Variants in ETV6 observed in about 807,000 individuals in gnomAD.
ETV6 encodes the protein ETS variant transcription factor 6.
In ETV6, 16 loss-of-function variants were observed where a neutral mutation model predicts 51.1. The observed-to-expected ratio is 0.31, with a 90% CI of 0.21 to 0.48. The LOEUF (loss-of-function observed/expected upper bound fraction) is 0.48. Ranked by LOEUF, ETV6 falls within the 20% of genes least tolerant of loss-of-function variation. The probability of loss-of-function intolerance (pLI) is 0.99; values close to 1 mark genes in which losing one functional copy is unlikely to be tolerated. For synonymous variants in ETV6, 240 were observed against 224.1 expected (o/e 1.07, Z -0.64); for missense variants, 458 against 594.8 (o/e 0.77, Z 2.39).
chr12:11,674,171 C>T (rs555273822), intron 1 of ETV6, among the ~76,000 whole-genome samples: 8 of 152,106 alleles, frequency 5.3e-5, no homozygotes, highest in African/African-American at 1.9e-4. Flanking sequence ...GTGGCCAGAT[C>T]GTTCGCTTCC....
At chr12:11,650,497 A>C (rs1863879710) in intron 1 of ETV6, among the ~76,000 whole-genome samples, 1 of 69,086 alleles carries the variant, frequency 1.4e-5, no homozygotes, top group Non-Finnish European at 2.9e-5. Context: ...AAAAAAAAAC[A>C]AAAAACAAAA....
At chr12:11,787,427 A>G (rs576055903) in intron 2 of ETV6, among the ~76,000 whole-genome samples, 2 of 152,368 alleles carry the variant, frequency 1.3e-5, no homozygotes, top group Non-Finnish European at 1.5e-5. Context: ...GATATTTTCA[A>G]TACATTGGGT....
At chr12:11,872,494 CTTTTT>C (rs10528272) in intron 5 of ETV6, among the ~76,000 whole-genome samples, 1 of 142,650 alleles carries the variant, frequency 7.0e-6, no homozygotes, top group African/African-American at 2.6e-5. Flanking sequence ...AATTATATTA[CTTTTT>C]TTTTTTTTTT....
intron 2 of ETV6, among the ~76,000 whole-genome samples, chr12:11,838,496 G>A (rs1946346584): frequency 6.6e-6 from 1 of 152,216 alleles, no homozygotes; most frequent in African/African-American, 2.4e-5. Context: ...TCAGTGAGTA[G>A]AATAAAAAGG....
At chr12:11,797,887 G>T (rs575885344) in intron 2 of ETV6, among the ~76,000 whole-genome samples, 2 of 152,202 alleles carry the variant, frequency 1.3e-5, no homozygotes, top group African/African-American at 4.8e-5. Context: ...TTTTAGTTCC[G>T]TGGTTCTTGT....
chr12:11,883,268 G>GTCT (rs1192965393), intron 5 of ETV6, among the ~76,000 whole-genome samples: 3,078 of 51,124 alleles, frequency 0.06, 190 homozygotes, highest in African/African-American at 0.11. Flanking sequence ...TGTACATCAT[G>GTCT]TCTTCTTCTT....
intron 4 of ETV6, among the ~76,000 whole-genome samples, chr12:11,854,484 G>A (rs774008337): frequency 6.6e-6 from 1 of 152,172 alleles, no homozygotes; most frequent in Non-Finnish European, 1.5e-5. Flanking sequence ...ATGACGTAAG[G>A]GTGGGGTAAG....
chr12:11,767,824 T>A (rs890685015), intron 2 of ETV6, among the ~76,000 whole-genome samples: 14 of 152,236 alleles, frequency 9.2e-5, no homozygotes, highest in Admixed American at 1.3e-4. Context: ...TACACTTTTT[T>A]AATAAGTATA....
chr12:11,796,519 A>G (rs978284191), intron 2 of ETV6, among the ~76,000 whole-genome samples: 1 of 152,146 alleles, frequency 6.6e-6, no homozygotes, highest in African/African-American at 2.4e-5. Context: ...TACAAATAAA[A>G]TAGTGGAAAC....
At chr12:11,663,013 A>G (rs930890885) in intron 1 of ETV6, among the ~76,000 whole-genome samples, 3 of 152,198 alleles carry the variant, frequency 2.0e-5, no homozygotes, top group African/African-American at 7.2e-5. Context: ...CATGCTTAGC[A>G]CTTGAGAGGT....
intron 4 of ETV6, among the ~76,000 whole-genome samples, chr12:11,858,182 T>C (rs1225045989): frequency 6.6e-6 from 1 of 152,186 alleles, no homozygotes; most frequent in Non-Finnish European, 1.5e-5. Context: ...ATCTTTGTAA[T>C]ATGAATTAGA....
At chr12:11,676,977 G>T (rs1262239631) in intron 1 of ETV6, among the ~76,000 whole-genome samples, 1 of 152,250 alleles carries the variant, frequency 6.6e-6, no homozygotes, top group Non-Finnish European at 1.5e-5. Flanking sequence ...CCTGTTGTTA[G>T]ACGTTTGCTT....
chr12:11,770,263 G>A (rs530926796), intron 2 of ETV6, among the ~76,000 whole-genome samples: 5 of 152,018 alleles, frequency 3.3e-5, no homozygotes, highest in Non-Finnish European at 7.4e-5. Context: ...GCCTTCTCAC[G>A]TGCCTGACAG....
chr12:11,842,482 C>G (rs1827030337), intron 3 of ETV6, among the ~76,000 whole-genome samples: 1 of 151,530 alleles, frequency 6.6e-6, no homozygotes, highest in African/African-American at 2.4e-5. Context: ...CTCCGGATCC[C>G]TCCCCTAGAG....
At chr12:11,697,369 A>G (rs746562481) in intron 1 of ETV6, among the ~76,000 whole-genome samples, 2 of 152,242 alleles carry the variant, frequency 1.3e-5, no homozygotes, top group African/African-American at 4.8e-5. Flanking sequence ...AGACAGGTGC[A>G]GGAAAAGTTG....
chr12:11,864,665 A>G (rs374061198), intron 4 of ETV6, among the ~76,000 whole-genome samples: 6 of 152,228 alleles, frequency 3.9e-5, no homozygotes, highest in Non-Finnish European at 5.9e-5. Flanking sequence ...GTTGGTGCCC[A>G]GTAAGCATTT....
At chr12:11,763,977 A>G (rs1314096886) in intron 2 of ETV6, among the ~76,000 whole-genome samples, 1 of 152,212 alleles carries the variant, frequency 6.6e-6, no homozygotes. Flanking sequence ...AGTTGCAATG[A>G]TTTAGAGTGC....
rs1395714142 is a variant in ETV6 at position 11,894,771 on chromosome 12, T to C, written c.*3725T>C. On this transcript the variant is annotated 3_prime_UTR_variant, in exon 8 of 8. Coordinates refer to ENST00000396373, the MANE Select transcript of ETV6 (RefSeq NM_001987.5). ...CTGGGTGTCAGGGAGGTGAAGTGAC[T>C]TGCCCTAGGAGCAGACAGCATGCCA... 1 of 233,272 alleles carries C rather than the reference T, an allele frequency of 4.3e-6. No homozygotes were observed. Among genetic ancestry groups the C allele is most frequent in the Non-Finnish European group, 8.5e-6 (1 of 118,030 alleles). The allele number at this position is 233,272 out of a possible 1,614,324, so 14.5% of individuals were successfully genotyped here.
intron 1 of ETV6, among the ~76,000 whole-genome samples, chr12:11,719,666 T>A (rs530664511): frequency 6.4e-4 from 97 of 152,304 alleles, no homozygotes; most frequent in Admixed American, 1.1e-3. Context: ...CTGTGGCGTC[T>A]TTTGGGGGTG....
Sources: gnomAD v4.1 joint callset for allele counts (sites outside exome capture counted in the v4.1 genomes callset) on GRCh38, gnomAD v4.1.1 for gene constraint, MANE v1.5 for transcripts, NCBI Gene and HGNC (gene_info 2026-07-23, HGNC 2026-07-21) for gene names.